WDR70: variants seen among roughly 807,000 people sequenced by gnomAD.
The protein encoded by WDR70 is WD repeat-containing protein 70.
In WDR70, 53 loss-of-function variants were observed where a neutral mutation model predicts 88.6. That is an observed-to-expected ratio of 0.60 (90% CI 0.48 to 0.75). The LOEUF (loss-of-function observed/expected upper bound fraction) is 0.75. Among genes scored for constraint, WDR70 ranks in the 30% least tolerant of loss-of-function variants. The pLI is 0.00. For synonymous variants in WDR70, 280 were observed against 270.0 expected, an observed-to-expected ratio of 1.04 and a Z score of -0.36; for missense variants, 610 against 823.2, an observed-to-expected ratio of 0.74 and a Z score of 3.17.
At chr5:37,421,219 C>T (rs1749935888) in intron 5 of WDR70, among the ~76,000 whole-genome samples, 1 of 152,212 alleles carries the variant, frequency 6.6e-6, no homozygotes, top group African/African-American at 2.4e-5. Context: ...TTATGCCCTA[C>T]TACACTACTG....
intron 9 of WDR70, among the ~76,000 whole-genome samples, chr5:37,539,747 C>A (rs1238208805): frequency 1.3e-5 from 2 of 152,206 alleles, no homozygotes; most frequent in Non-Finnish European, 2.9e-5. Flanking sequence ...ATGCCTTTGG[C>A]GAGTCTGCCT....
chr5:37,611,316 G>T, intron 10 of WDR70, among the ~76,000 whole-genome samples: 1 of 150,422 alleles, frequency 6.6e-6, no homozygotes, highest in African/African-American at 2.4e-5. Context: ...TCTTTTTGTT[G>T]CTTTTGGGAT....
chr5:37,475,897 G>A (rs1225875383), intron 7 of WDR70, among the ~76,000 whole-genome samples: 9 of 143,832 alleles, frequency 6.3e-5, no homozygotes, highest in African/African-American at 2.3e-4. Context: ...CCAGGCTGGA[G>A]TGCAATGGCG....
At chr5:37,451,810 A>T (rs573477656) in intron 7 of WDR70, among the ~76,000 whole-genome samples, 1 of 152,190 alleles carries the variant, frequency 6.6e-6, no homozygotes. Flanking sequence ...TCTGGCCAAC[A>T]TGATGAAACC....
At chr5:37,496,741 G>T (rs1456169028) in intron 8 of WDR70, among the ~76,000 whole-genome samples, 1 of 152,206 alleles carries the variant, frequency 6.6e-6, no homozygotes, top group African/African-American at 2.4e-5. Flanking sequence ...TTTAGACAAA[G>T]TACAAGAAGT....
intron 9 of WDR70, among the ~76,000 whole-genome samples, chr5:37,580,538 A>G (rs1743188899): frequency 6.6e-6 from 1 of 152,224 alleles, no homozygotes; most frequent in Non-Finnish European, 1.5e-5. Flanking sequence ...TTCAGAACAT[A>G]TAAGCACCCA....
At chr5:37,496,641 C>T (rs1740224540) in intron 8 of WDR70, among the ~76,000 whole-genome samples, 1 of 152,210 alleles carries the variant, frequency 6.6e-6, no homozygotes, top group Admixed American at 6.5e-5. Context: ...GATGACATTT[C>T]AACTCTAATC....
chr5:37,438,254 GAAACTC>G (rs2112039738), intron 6 of WDR70, among the ~76,000 whole-genome samples: 2 of 152,182 alleles, frequency 1.3e-5, no homozygotes, highest in Middle Eastern at 3.4e-3. Flanking sequence ...AGAAAGAAAT[GAAACTC>G]AAACACAATT....
At position 37,516,613 on chromosome 5, in the gene WDR70, C is replaced by G. The variant is rs772246318; in HGVS notation, c.917+23C>G. On this transcript the variant is annotated intron_variant, in intron 9 of 17. Transcript: ENST00000265107. ...TGCGTGAGTATTGTTGATAATTCAT[C>G]TAATACATTCATATCTTTAGGTATT... 11 of 1,499,918 alleles carry G rather than the reference C, an allele frequency of 7.3e-6. No homozygotes were observed. In the Admixed American group the frequency reaches 1.5e-4, roughly 21 times the overall value. The allele number at this position is 1,499,918 out of a possible 1,614,324, so 92.9% of individuals were successfully genotyped here.
intron 9 of WDR70, among the ~76,000 whole-genome samples, chr5:37,520,040 C>A (rs1741037782): frequency 6.6e-6 from 1 of 152,002 alleles, no homozygotes; most frequent in Non-Finnish European, 1.5e-5. Flanking sequence ...TTATATGATT[C>A]ATTTTAGTAT....
rs559528683 is a variant in WDR70, at chr5:37,728,182, T to C, written c.1877+1137T>C. On this transcript the variant is annotated intron_variant, in intron 17 of 17. Transcript: ENST00000265107. ...GGCCAACATGGTGAAAGCCCATCAC[T>C]ACTAAAAACACAAAAATTAGCCAGG... Among the ~76,000 whole-genome samples, 15 of 151,934 alleles carry C rather than the reference T, an allele frequency of 9.9e-5. 1 individual carries two copies. The highest frequency in any genetic ancestry group is 3.6e-4 in the African/African-American group (15 of 41,460).
intron 7 of WDR70, among the ~76,000 whole-genome samples, chr5:37,475,819 A>C (rs1739463200): frequency 7.4e-6 from 1 of 135,504 alleles, no homozygotes. Context: ...TTTCCTCTTT[A>C]CTGTCTTGTC....
At chr5:37,576,200 A>AT (rs1743046878) in intron 9 of WDR70, among the ~76,000 whole-genome samples, 1 of 147,790 alleles carries the variant, frequency 6.8e-6, no homozygotes. Flanking sequence ...AGATTGCAAG[A>AT]TTCTCCTCCA....
At chr5:37,637,669 C>T (rs1745008943) in intron 10 of WDR70, among the ~76,000 whole-genome samples, 1 of 152,122 alleles carries the variant, frequency 6.6e-6, no homozygotes, top group African/African-American at 2.4e-5. Context: ...CATGACTCAG[C>T]TTTTGAGAGT....
chr5:37,484,249 C>G lies in WDR70; in HGVS notation c.840+4262C>G, dbSNP rs543066654. Among the ~76,000 whole-genome samples the G allele has an allele frequency of 4.4e-3, 671 of 152,352 alleles. 2 individuals carry two copies. Among genetic ancestry groups the G allele is most frequent in the Middle Eastern group, 6.8e-3 (2 of 294 alleles). ...AGCTAGCCGAGATCACGCCACTGCA[C>G]TCCAGCCTGGGCAACATTGAGCACT... On this transcript the variant is annotated intron_variant, in intron 8 of 17. Coordinates refer to ENST00000265107, the MANE Select transcript of WDR70 (RefSeq NM_018034.4).
intron 7 of WDR70, among the ~76,000 whole-genome samples, chr5:37,473,245 T>A (rs370900698): frequency 6.4e-5 from 9 of 139,978 alleles, no homozygotes; most frequent in East Asian, 2.1e-4. Flanking sequence ...TTTTTTTTTT[T>A]AAATCAGTGT....
chr5:37,506,855 T>C, intron 8 of WDR70: 2 of 1,238,952 alleles, frequency 1.6e-6, no homozygotes, highest in Non-Finnish European at 2.4e-6. Flanking sequence ...GTCACCCGCC[T>C]CATTGCGCTG....
chr5:37,693,754 T>C lies in WDR70; in HGVS notation c.1093-3901T>C, dbSNP rs943948753. ...GTTAGACCTAAAACCATAAAAACCC[T>C]AGAAGAAAACCTAGGCAATATCATT... On this transcript the variant is annotated intron_variant, in intron 10 of 17. Transcript: ENST00000265107. Among the ~76,000 whole-genome samples the C allele has an allele frequency of 2.0e-4, 31 of 152,270 alleles. 1 individual carries two copies. Among genetic ancestry groups the C allele is most frequent in the Admixed American group, 8.5e-4 (13 of 15,294 alleles).
rs555966187 is a variant in WDR70 at position 37,538,209 on chromosome 5, G to A, written c.917+21619G>A. Among the ~76,000 whole-genome samples the A allele has an allele frequency of 2.2e-4, 34 of 152,042 alleles. No individual in the cohort carries two copies. The East Asian group carries it at 2.5e-3, about 11-fold the overall frequency. On this transcript the variant is annotated intron_variant, in intron 9 of 17. Transcript: ENST00000265107. ...TAATGGTAGTATCTTCTTCTTTTTC[G>A]CATTCTTGCTTTCTATCTCTCCTCT...
Sources: allele counts gnomAD v4.1 joint callset (sites outside exome capture counted in the v4.1 genomes callset), GRCh38; gene constraint gnomAD v4.1.1; transcripts MANE v1.5; gene names NCBI Gene and HGNC (gene_info 2026-07-23, HGNC 2026-07-21).